The following SHC4 variants were observed in gnomAD, a reference collection of about 807,000 sequenced individuals.
The protein encoded by SHC4 is SHC-transforming protein 4.
A neutral mutation model predicts 69.4 loss-of-function variants in SHC4; 41 were observed. The ratio of observed to expected loss-of-function variants is 0.59; its 90% CI spans 0.46 to 0.77. The LOEUF is 0.77. Among genes scored for constraint, SHC4 ranks in the 30% least tolerant of loss-of-function variants. SHC4 has a pLI of 0.00. For synonymous variants in SHC4, 318 were observed against 299.3 expected (o/e 1.06, Z -0.64); for missense variants, 777 against 783.8 (o/e 0.99, Z 0.10).
intron 8 of SHC4, among the ~76,000 whole-genome samples, chr15:48,853,729 G>A (rs1899259513): frequency 1.3e-5 from 2 of 152,052 alleles, no homozygotes; most frequent in Non-Finnish European, 2.9e-5. Context: ...ACAAAAATAA[G>A]CAATAGGGAA....
chr15:48,840,502 C>A (rs1898971088), intron 10 of SHC4, among the ~76,000 whole-genome samples: 1 of 150,772 alleles, frequency 6.6e-6, no homozygotes, highest in African/African-American at 2.4e-5. Context: ...CTTTTTTTTT[C>A]TGGCTAAGGG....
chr15:48,830,222 G>A (rs1898771457), intron 11 of SHC4, among the ~76,000 whole-genome samples: 1 of 151,692 alleles, frequency 6.6e-6, no homozygotes, highest in Admixed American at 6.6e-5. Context: ...TATTTTCTTT[G>A]TGATTACCAT....
rs1900822283 is a variant in SHC4 at position 48,924,914 on chromosome 15, T to C, written c.621A>G (p.Arg207=). The C allele has an allele frequency of 6.2e-7, 1 of 1,614,020 alleles. No individual in the cohort carries two copies. The highest frequency in any genetic ancestry group is 8.5e-7 in the Non-Finnish European group (1 of 1,180,006). ...GGGTTCTCATTCCAAAATCCAGTGA[T>C]CTCATTGATTGCAGCACTTCAACAC... ...MGCVEVLQSM[R]SLDFGMRTQV... Residue 207 remains arginine, a synonymous_variant, in exon 2 of 12, where the codon AGA becomes AGG. Transcript: ENST00000332408.
At chr15:48,918,431 CTTCTAATTT>C (rs1212727089) in intron 2 of SHC4, among the ~76,000 whole-genome samples, 15 of 152,168 alleles carry the variant, frequency 9.9e-5, no homozygotes, top group African/African-American at 3.6e-4. Flanking sequence ...ACTGTTCTTC[CTTCTAATTT>C]TTCCTTTTTT....
chr15:48,836,209 G>A (rs973629432), intron 10 of SHC4, among the ~76,000 whole-genome samples: 1 of 151,820 alleles, frequency 6.6e-6, no homozygotes, highest in Non-Finnish European at 1.5e-5. Context: ...AAAAAGGAAG[G>A]TTAAGGGACT....
intron 6 of SHC4, among the ~76,000 whole-genome samples, chr15:48,860,429 C>T (rs1333213688): frequency 6.6e-6 from 1 of 152,052 alleles, no homozygotes; most frequent in African/African-American, 2.4e-5. Context: ...ATCACTTGAA[C>T]CTGGGAGGCA....
At chr15:48,866,048 G>A (rs1401985318) in intron 6 of SHC4, among the ~76,000 whole-genome samples, 1 of 152,124 alleles carries the variant, frequency 6.6e-6, no homozygotes, top group African/African-American at 2.4e-5. Context: ...TGTGACTGAC[G>A]GCAAAGTTAC....
At chr15:48,934,046 C>T (rs1231416712) in intron 1 of SHC4, among the ~76,000 whole-genome samples, 1 of 151,970 alleles carries the variant, frequency 6.6e-6, no homozygotes, top group Non-Finnish European at 1.5e-5. Context: ...GATATGACAC[C>T]GAAAGCACCA....
At chr15:48,850,246 A>T (rs1290959604) in intron 9 of SHC4, among the ~76,000 whole-genome samples, 4 of 151,430 alleles carry the variant, frequency 2.6e-5, no homozygotes, top group Admixed American at 6.6e-5. Flanking sequence ...AACTAAACTA[A>T]ACTAAAATAA....
At chr15:48,894,076 G>A (rs796606630) in intron 2 of SHC4, among the ~76,000 whole-genome samples, 32 of 152,338 alleles carry the variant, frequency 2.1e-4, no homozygotes, top group African/African-American at 7.7e-4. Context: ...CCGAAGTCTT[G>A]TGATATAGAG....
At chr15:48,867,101 T>C (rs1171234687) in intron 6 of SHC4, among the ~76,000 whole-genome samples, 1 of 152,172 alleles carries the variant, frequency 6.6e-6, no homozygotes, top group African/African-American at 2.4e-5. Context: ...GATTTTAGCC[T>C]AGTAGAAAGG....
intron 2 of SHC4, among the ~76,000 whole-genome samples, chr15:48,898,599 G>A (rs567704613): frequency 2.0e-4 from 31 of 152,306 alleles, no homozygotes; most frequent in Admixed American, 3.9e-4. Flanking sequence ...TGTCTACTTC[G>A]TGATTCTGCC....
At chr15:48,882,315 T>G (rs1264735033) in intron 4 of SHC4, among the ~76,000 whole-genome samples, 4 of 152,144 alleles carry the variant, frequency 2.6e-5, no homozygotes, top group African/African-American at 7.2e-5. Flanking sequence ...CCCTCAGGTC[T>G]GAGATAAATG....
chr15:48,854,176 T>C (rs1034895476), intron 8 of SHC4, among the ~76,000 whole-genome samples: 2 of 152,158 alleles, frequency 1.3e-5, no homozygotes, highest in Admixed American at 1.3e-4. Flanking sequence ...CAGACATTTC[T>C]CAAAAGAACA....
intron 3 of SHC4, among the ~76,000 whole-genome samples, chr15:48,888,114 G>A (rs1347288147): frequency 1.3e-5 from 2 of 152,000 alleles, no homozygotes; most frequent in Non-Finnish European, 2.9e-5. Flanking sequence ...TCTACTTCTG[G>A]GTATATACCC....
At chr15:48,905,509 G>A (rs1364574590) in intron 2 of SHC4, among the ~76,000 whole-genome samples, 1 of 152,172 alleles carries the variant, frequency 6.6e-6, no homozygotes, top group Non-Finnish European at 1.5e-5. Context: ...AAGACTAGAG[G>A]CTGGCCACTG....
chr15:48,876,783 G>C (rs1174728328), intron 4 of SHC4: 2 of 418,904 alleles, frequency 4.8e-6, no homozygotes, highest in African/African-American at 4.0e-5. Flanking sequence ...TTAAGGGTGG[G>C]TCTGCCTTTC....
In SHC4 at chr15:48,963,614, C is replaced by G. The variant is rs1901584319; in HGVS notation, c.-599G>C. On this transcript the variant is annotated 5_prime_UTR_variant, in exon 1 of 12. Transcript: ENST00000332408. ...GGGTTCGTTGATTCCAAAGGCTGCC[C>G]TCTCTTGGAAGATCTTGTCTTGCAT... Among the ~76,000 whole-genome samples, 1 of 152,198 alleles carries G rather than the reference C, an allele frequency of 6.6e-6. No individual in the cohort carries two copies. The highest frequency in any genetic ancestry group is 1.5e-5 in the Non-Finnish European group (1 of 68,050).
chr15:48,926,726 G>A (rs1355306901), intron 1 of SHC4, among the ~76,000 whole-genome samples: 1 of 152,122 alleles, frequency 6.6e-6, no homozygotes, highest in Non-Finnish European at 1.5e-5. Flanking sequence ...GCCTCCCAAA[G>A]TGCTGGGATT....
Sources: allele counts gnomAD v4.1 joint callset (sites outside exome capture counted in the v4.1 genomes callset), GRCh38; gene constraint gnomAD v4.1.1; transcripts MANE v1.5; gene names NCBI Gene and HGNC (gene_info 2026-07-23, HGNC 2026-07-21).